Variants in CDH17 observed in about 807,000 individuals in gnomAD.
The protein encoded by CDH17 is cadherin 17.
A neutral mutation model predicts 86.3 loss-of-function variants in CDH17; 67 were observed. The ratio of observed to expected loss-of-function variants is 0.78; its 90% CI spans 0.64 to 0.95. The LOEUF (loss-of-function observed/expected upper bound fraction) is 0.95. Among genes scored for constraint, CDH17 ranks in the 40% least tolerant of loss-of-function variants. CDH17 has a pLI of 0.00. For synonymous variants in CDH17, 367 were observed against 366.4 expected, an observed-to-expected ratio of 1.00 and a Z score of -0.02; for missense variants, 993 against 1,017.6, an observed-to-expected ratio of 0.98 and a Z score of 0.33.
upstream of CDH17, among the ~76,000 whole-genome samples, chr8:94,213,127 C>T (rs1253538316): frequency 1.3e-5 from 2 of 152,216 alleles, no homozygotes; most frequent in Non-Finnish European, 2.9e-5. Flanking sequence ...CAGGCAAGTG[C>T]CACCACACCA....
chr8:94,205,914 G>A (rs184661173), intron 1 of CDH17, among the ~76,000 whole-genome samples: 6 of 152,160 alleles, frequency 3.9e-5, no homozygotes, highest in Non-Finnish European at 8.8e-5. Context: ...TGGCCTCTTG[G>A]TGAGGAAGAG....
upstream of CDH17, among the ~76,000 whole-genome samples, chr8:94,210,342 A>C (rs1251719994): frequency 1.3e-5 from 2 of 151,130 alleles, no homozygotes; most frequent in Non-Finnish European, 2.9e-5. Flanking sequence ...ATCACTTGCT[A>C]TCTCTAGCCC....
At chr8:94,128,614 A>G (rs1812349528) in intron 17 of CDH17, among the ~76,000 whole-genome samples, 1 of 152,106 alleles carries the variant, frequency 6.6e-6, no homozygotes, top group Non-Finnish European at 1.5e-5. Context: ...AGAATATAGG[A>G]CCTAATGTTC....
At chr8:94,161,395 C>G (rs2130619726) in intron 11 of CDH17, among the ~76,000 whole-genome samples, 1 of 152,328 alleles carries the variant, frequency 6.6e-6, no homozygotes, top group African/African-American at 2.4e-5. Context: ...TGCCTCATAA[C>G]TGACTTCAAA....
intron 3 of CDH17, among the ~76,000 whole-genome samples, chr8:94,185,200 T>C (rs983204556): frequency 4.0e-5 from 6 of 151,890 alleles, no homozygotes; most frequent in African/African-American, 1.5e-4. Flanking sequence ...GCATGAAGCT[T>C]CTGTGATTCT....
chr8:94,177,857 T>A, intron 3 of CDH17, 136 bp from the exon 4 acceptor site: 1 of 785,232 alleles, frequency 1.3e-6, no homozygotes, highest in Non-Finnish European at 2.0e-6. Flanking sequence ...TTTAAAGTGG[T>A]ACCTTCTAAA....
intron 9 of CDH17, among the ~76,000 whole-genome samples, chr8:94,169,278 G>A (rs1813223331): frequency 6.6e-6 from 1 of 152,220 alleles, no homozygotes; most frequent in African/African-American, 2.4e-5. Context: ...ATAACGAACT[G>A]AAGTCCTTCA....
Position 94,146,044 on chromosome 8 carries a change from C to G in CDH17, c.2051G>C (p.Gly684Ala), listed in dbSNP as rs535156459. 1.2e-6 allele frequency: 2 copies of G among 1,613,822 alleles called. No individual in the cohort carries two copies. The highest frequency in any genetic ancestry group is 2.2e-5 in the South Asian group (2 of 91,040). Residue 684 changes from glycine (G) to alanine (A), a missense_variant, in exon 15 of 18, where the codon GGA becomes GCA. Transcript: ENST00000027335. The part of the protein sequence containing the change: ...LFFCHPLSAP[G>A]SLIFEATDDD... ...ATCAGTAGCCTCGAAAATGAGACTT[C>G]CAGGTGCACTGAGGGGATGGCAGAA...
intron 1 of CDH17, among the ~76,000 whole-genome samples, chr8:94,204,104 TTC>T (rs1031981103): frequency 1.3e-5 from 2 of 152,216 alleles, no homozygotes; most frequent in African/African-American, 2.4e-5. Context: ...AGCATAATTA[TTC>T]TTTTTTTAAA....
At chr8:94,216,402 A>C (rs2623164) in intron 1 of CDH17, among the ~76,000 whole-genome samples, 2,635 of 152,194 alleles carry the variant, frequency 0.017, 24 homozygotes, top group Middle Eastern at 0.048. Context: ...TGGCTCTATC[A>C]ATGAGCCTCA....
At chr8:94,172,904 G>T (rs908329806) in intron 7 of CDH17, among the ~76,000 whole-genome samples, 1 of 152,086 alleles carries the variant, frequency 6.6e-6, no homozygotes, top group African/African-American at 2.4e-5. Context: ...AAGGGGAAAG[G>T]TTCCCTACTA....
At position 94,174,149 on chromosome 8, in the gene CDH17, T is replaced by A. The variant is rs1425630653; in HGVS notation, c.536A>T (p.Tyr179Phe). 1 of 1,613,672 alleles carries A rather than the reference T, an allele frequency of 6.2e-7. No individual in the cohort carries two copies. The highest frequency in any genetic ancestry group is 8.5e-7 in the Non-Finnish European group (1 of 1,179,824). The change falls in exon 6 of 18, where the codon TAC becomes TTC. Residue 179 changes from tyrosine (Y) to phenylalanine (F), a missense_variant. Transcript: ENST00000027335. ...IQLPMINNVM[Y>F]FQINNKTGAI... is the part of the protein sequence containing the mutation. ...TCCCGTTTTGTTGTTGATCTGAAAG[T>A]ACATGACATTGTTGATCATGGGAAG...
At chr8:94,185,081 G>A (rs777109874) in intron 3 of CDH17, among the ~76,000 whole-genome samples, 1 of 152,156 alleles carries the variant, frequency 6.6e-6, no homozygotes, top group Non-Finnish European at 1.5e-5. Context: ...TTGACTAGAA[G>A]TCAGGAGACC....
At chr8:94,158,993 C>T (rs1207722274) in intron 12 of CDH17, among the ~76,000 whole-genome samples, 1 of 152,166 alleles carries the variant, frequency 6.6e-6, no homozygotes, top group East Asian at 1.9e-4. Context: ...AAACCTTAAA[C>T]AATTAGCCAC....
At position 94,200,540 on chromosome 8, in the gene CDH17, T is replaced by A. The variant is rs1250723237; in HGVS notation, c.-20-5835A>T. 3.3e-5 allele frequency among the ~76,000 whole-genome samples: 3 copies of A among 90,918 alleles called. No homozygotes were observed. The Admixed American group carries it at 4.1e-4, about 12-fold the overall frequency. 59.6% of individuals were successfully genotyped at this position (90,918 alleles called of 152,430 possible). On this transcript the variant is annotated intron_variant, in intron 1 of 17. Coordinates refer to ENST00000027335, the MANE Select transcript of CDH17 (RefSeq NM_004063.4). ...AGGGTTATTATTATTATCTTTTGTT[T>A]TTTTTTTTTTTTTTTTTTTTTTTTT...
chr8:94,164,770 C>A (rs146155294), intron 10 of CDH17, among the ~76,000 whole-genome samples: 1 of 152,198 alleles, frequency 6.6e-6, no homozygotes, highest in African/African-American at 2.4e-5. Flanking sequence ...CTCAAAGGAC[C>A]TTCTAGGAGT....
chr8:94,195,215 C>A (rs1813759858), intron 1 of CDH17, among the ~76,000 whole-genome samples: 1 of 152,138 alleles, frequency 6.6e-6, no homozygotes, highest in Admixed American at 6.5e-5. Flanking sequence ...GGTGACCAAG[C>A]TAGTTTCGAA....
intron 2 of CDH17, 26 bp from the exon 3 acceptor site, chr8:94,189,311 G>C: frequency 6.5e-7 from 1 of 1,527,436 alleles, no homozygotes; most frequent in Admixed American, 1.8e-5. Context: ...GAGAAAATTA[G>C]CATCTTGTAT....
chr8:94,189,049 C>G, intron 3 of CDH17, 138 bp downstream of exon 3: 1 of 678,278 alleles, frequency 1.5e-6, no homozygotes, highest in Admixed American at 3.0e-5. Flanking sequence ...CTCTGTTTAA[C>G]TTAGCTTCTG....
Sources: allele counts gnomAD v4.1 joint callset (sites outside exome capture counted in the v4.1 genomes callset), GRCh38; gene constraint gnomAD v4.1.1; transcripts MANE v1.5; gene names NCBI Gene and HGNC (gene_info 2026-07-23, HGNC 2026-07-21).